P2RY14: variants seen among roughly 807,000 people sequenced by gnomAD.
P2RY14 encodes the protein purinergic receptor P2Y14.
P2RY14 carries 2 observed loss-of-function variants against 0.9 expected under a neutral mutation model. That is an observed-to-expected ratio of 2.16 (90% confidence interval 0.88 to 6.79). The LOEUF (loss-of-function observed/expected upper bound fraction) is 6.79, where lower values mean the gene tolerates loss of function less well. Among genes scored for constraint, P2RY14 ranks in the 30% most tolerant of loss-of-function variants. P2RY14 has a pLI of 0.05. For synonymous variants in P2RY14, 158 were observed against 147.2 expected, an observed-to-expected ratio of 1.07 and a Z score of -0.53; for missense variants, 378 against 400.1, an observed-to-expected ratio of 0.94 and a Z score of 0.47.
At chr3:151,247,651 A>C (rs553675387) in intron 1 of P2RY14, among the ~76,000 whole-genome samples, 72 of 145,564 alleles carry the variant, frequency 4.9e-4, no homozygotes, top group African/African-American at 1.8e-3. Context: ...TGGGAGATGT[A>C]CCTAATGCTA....
intron 1 of P2RY14, among the ~76,000 whole-genome samples, chr3:151,222,664 T>G (rs1161889218): frequency 1.3e-5 from 2 of 152,230 alleles, no homozygotes; most frequent in Non-Finnish European, 2.9e-5. Flanking sequence ...CCTCTTTCTT[T>G]TGTAAATTGC....
intron 1 of P2RY14, among the ~76,000 whole-genome samples, chr3:151,225,737 A>C (rs551216728): frequency 2.6e-5 from 4 of 152,128 alleles, no homozygotes; most frequent in African/African-American, 7.2e-5. Flanking sequence ...CAGAAGAAGG[A>C]ACTCTCCCAC....
intron 1 of P2RY14, among the ~76,000 whole-genome samples, chr3:151,231,718 T>G (rs915605326): frequency 6.6e-6 from 1 of 152,192 alleles, no homozygotes; most frequent in Non-Finnish European, 1.5e-5. Context: ...CCATACAAAT[T>G]GTTTTGAGAC....
At chr3:151,244,233 C>A (rs1577094458) in intron 1 of P2RY14, among the ~76,000 whole-genome samples, 1 of 131,708 alleles carries the variant, frequency 7.6e-6, no homozygotes. Context: ...ACAAGGATAC[C>A]CAGGAATTGA....
intron 1 of P2RY14, among the ~76,000 whole-genome samples, chr3:151,245,142 A>G (rs1196164072): frequency 6.6e-6 from 1 of 152,246 alleles, no homozygotes; most frequent in Admixed American, 6.5e-5. Flanking sequence ...TTAGCAACCA[A>G]AAAGAGTCCA....
intron 1 of P2RY14, among the ~76,000 whole-genome samples, chr3:151,243,451 G>A (rs2149396256): frequency 6.6e-6 from 1 of 152,146 alleles, no homozygotes; most frequent in South Asian, 2.1e-4. Context: ...AAGAGAGTGG[G>A]GGCCAATATT....
chr3:151,227,840 A>C (rs989196294), intron 1 of P2RY14, among the ~76,000 whole-genome samples: 1 of 152,054 alleles, frequency 6.6e-6, no homozygotes, highest in African/African-American at 2.4e-5. Context: ...TTTCGGTTTC[A>C]GTTCTTTGTG....
intron 2 of P2RY14, 142 bp downstream of exon 2, chr3:151,219,393 A>G (rs1195737055): frequency 6.6e-6 from 1 of 152,140 alleles, no homozygotes; most frequent in East Asian, 1.9e-4. Flanking sequence ...ACCATGACCT[A>G]TTTTCCTCTT....
rs543519548 is a variant in P2RY14 at position 151,252,593 on chromosome 3, TTG to T, written c.-133+25692_-133+25693del. Among the ~76,000 whole-genome samples the T allele has an allele frequency of 1.4e-3, 213 of 152,294 alleles. 1 individual carries two copies. Among genetic ancestry groups the T allele is most frequent in the African/African-American group, 5.0e-3 (206 of 41,560 alleles). ...TTTCTCTTTCAAGTTTTACTTATAC[TTG>T]TGTTTCGTAAATGATACTTCTAAAC... On this transcript the variant is annotated intron_variant, in intron 1 of 2. Coordinates refer to ENST00000309170, the MANE Select transcript of P2RY14 (RefSeq NM_014879.4).
chr3:151,239,952 T>C (rs558705733), intron 1 of P2RY14, among the ~76,000 whole-genome samples: 2 of 152,352 alleles, frequency 1.3e-5, no homozygotes, highest in South Asian at 4.1e-4. Flanking sequence ...TCTTTCACTT[T>C]GTTTTCTTGA....
Position 151,213,541 on chromosome 3 carries a change from C to T in P2RY14, c.776G>A (p.Ser259Asn), listed in dbSNP as rs774970575. 6.2e-7 allele frequency: 1 copy of T among 1,614,172 alleles called. No individual in the cohort carries two copies. The highest frequency in any genetic ancestry group is 2.2e-5 in the East Asian group (1 of 44,886). Residue 259 changes from serine (S) to asparagine (N), a missense_variant, in exon 3 of 3, where the codon AGT becomes AAT. Ser to Asn is a conservative substitution (Grantham distance 46, BLOSUM62 1). Transcript: ENST00000309170. ...YHIARIPYTK[S>N]QTEAHYSCQS... The stretch of plus-strand genomic sequence containing the variant: ...GCAGCTGTAATGAGCTTCGGTCTGA[C>T]TCTTTGTGTAGGGGATTCTGGCAAT...
intron 1 of P2RY14, among the ~76,000 whole-genome samples, chr3:151,232,888 AC>A (rs1342153507): frequency 5.3e-5 from 8 of 152,206 alleles, no homozygotes; most frequent in Non-Finnish European, 1.2e-4. Flanking sequence ...GCATGAGTTT[AC>A]CTATATAACC....
chr3:151,224,444 C>A (rs1730068905), intron 1 of P2RY14, among the ~76,000 whole-genome samples: 1 of 150,894 alleles, frequency 6.6e-6, no homozygotes, highest in East Asian at 1.9e-4. Context: ...TAATGTTTAA[C>A]ACTTTTTTTT....
At chr3:151,256,674 A>G (rs1005638168) in intron 1 of P2RY14, among the ~76,000 whole-genome samples, 7 of 152,236 alleles carry the variant, frequency 4.6e-5, no homozygotes, top group African/African-American at 1.2e-4. Flanking sequence ...AGTTTCTCGT[A>G]TTTTAAGATC....
At chr3:151,225,285 G>A (rs1159271043) in intron 1 of P2RY14, among the ~76,000 whole-genome samples, 1 of 152,150 alleles carries the variant, frequency 6.6e-6, no homozygotes, top group Non-Finnish European at 1.5e-5. Context: ...TCCTGTGTTA[G>A]TCTATTGTCT....
intron 1 of P2RY14, chr3:151,242,011 C>G (rs554332069): frequency 6.6e-6 from 1 of 152,412 alleles, no homozygotes; most frequent in South Asian, 2.1e-4. Flanking sequence ...AAAGGGGTGA[C>G]GGACGGCACC....
At chr3:151,232,036 C>G (rs1442544437) in intron 1 of P2RY14, among the ~76,000 whole-genome samples, 1 of 152,064 alleles carries the variant, frequency 6.6e-6, no homozygotes, top group African/African-American at 2.4e-5. Flanking sequence ...AGGGAAGGGT[C>G]CTGTGCTCCG....
chr3:151,266,534 C>G (rs1305974161), intron 1 of P2RY14, among the ~76,000 whole-genome samples: 1 of 152,226 alleles, frequency 6.6e-6, no homozygotes, highest in Non-Finnish European at 1.5e-5. Context: ...AATCGCGTTT[C>G]AATTTTGACT....
intron 1 of P2RY14, among the ~76,000 whole-genome samples, chr3:151,237,022 A>G (rs536044013): frequency 2.2e-4 from 34 of 151,856 alleles, no homozygotes; most frequent in Non-Finnish European, 4.0e-4. Context: ...CATGAATGTT[A>G]AACTTCAGGA....
Sources: gnomAD v4.1 joint callset for allele counts (sites outside exome capture counted in the v4.1 genomes callset) on GRCh38, gnomAD v4.1.1 for gene constraint, MANE v1.5 for transcripts, NCBI Gene and HGNC (gene_info 2026-07-23, HGNC 2026-07-21) for gene names.